Variants in FOXJ3 observed in about 807,000 individuals in gnomAD.
The protein encoded by FOXJ3 is forkhead box J3.
Under a neutral mutation model 76.1 loss-of-function variants are expected in FOXJ3, and 22 were observed. That is an observed-to-expected ratio of 0.29 (90% CI 0.21 to 0.41). The LOEUF (loss-of-function observed/expected upper bound fraction) is 0.41, where lower values mean the gene tolerates loss of function less well. FOXJ3 is among the 10% of genes least tolerant of loss of function. FOXJ3 has a pLI of 1.00. For synonymous variants in FOXJ3, 269 were observed against 261.2 expected (o/e 1.03, Z -0.29); for missense variants, 613 against 762.1 (o/e 0.80, Z 2.30).
chr1:42,182,687 G>C (rs1209131642), intron 11 of FOXJ3, among the ~76,000 whole-genome samples: 1 of 152,042 alleles, frequency 6.6e-6, no homozygotes, highest in Non-Finnish European at 1.5e-5. Flanking sequence ...TAGTAGAGAT[G>C]GGGTTTTACC....
At chr1:42,231,501 T>C (rs1364476368) in intron 4 of FOXJ3, among the ~76,000 whole-genome samples, 2 of 152,138 alleles carry the variant, frequency 1.3e-5, no homozygotes, top group Non-Finnish European at 2.9e-5. Context: ...TATTGTTTAA[T>C]GAGTGAAGAA....
chr1:42,292,852 G>A (rs891283207), intron 2 of FOXJ3, among the ~76,000 whole-genome samples: 1 of 152,198 alleles, frequency 6.6e-6, no homozygotes, highest in African/African-American at 2.4e-5. Context: ...TGTAATCCCA[G>A]CACTTTGGGA....
intron 4 of FOXJ3, 116 bp downstream of exon 4, chr1:42,264,999 G>C: frequency 2.6e-6 from 2 of 772,050 alleles, no homozygotes; most frequent in East Asian, 5.0e-5. Flanking sequence ...GAGCAGGGTG[G>C]GGGAGGACTT....
At chr1:42,228,470 T>C (rs974411428) in intron 4 of FOXJ3, among the ~76,000 whole-genome samples, 1 of 151,556 alleles carries the variant, frequency 6.6e-6, no homozygotes, top group African/African-American at 2.4e-5. Context: ...ACTTAACTAT[T>C]CTCTCTTACT....
intron 4 of FOXJ3, among the ~76,000 whole-genome samples, chr1:42,254,654 G>A (rs1570064653): frequency 2.0e-5 from 3 of 146,840 alleles, no homozygotes; most frequent in African/African-American, 5.0e-5. Context: ...ATGAGTTCAC[G>A]TCCTTTGTAG....
chr1:42,190,421 C>T (rs1360538129), intron 9 of FOXJ3, among the ~76,000 whole-genome samples: 1 of 152,190 alleles, frequency 6.6e-6, no homozygotes, highest in Non-Finnish European at 1.5e-5. Flanking sequence ...ATGACCCTGC[C>T]ATGAAGCAAG....
intron 2 of FOXJ3, among the ~76,000 whole-genome samples, chr1:42,295,589 C>T (rs11587973): frequency 0.64 from 91,968 of 144,298 alleles, 30,277 homozygotes; most frequent in Admixed American, 0.77. Flanking sequence ...AATGCAGTGG[C>T]GCAATCTTGG....
intron 11 of FOXJ3, among the ~76,000 whole-genome samples, chr1:42,186,774 C>G (rs986699034): frequency 6.6e-6 from 1 of 152,164 alleles, no homozygotes; most frequent in Non-Finnish European, 1.5e-5. Context: ...TTCTTACAGA[C>G]TTAGGGCACA....
At chr1:42,240,415 G>A (rs1331372137) in intron 4 of FOXJ3, among the ~76,000 whole-genome samples, 2 of 152,104 alleles carry the variant, frequency 1.3e-5, no homozygotes, top group African/African-American at 2.4e-5. Flanking sequence ...AAATAATCTT[G>A]AAAAAGAAGA....
At chr1:42,311,565 A>T (rs1200805452) in intron 1 of FOXJ3, among the ~76,000 whole-genome samples, 6 of 152,134 alleles carry the variant, frequency 3.9e-5, no homozygotes, top group Non-Finnish European at 7.4e-5. Context: ...CTTCCATCAA[A>T]ATAGTGCTAC....
chr1:42,189,606 TAAAAG>T (rs914844831), intron 9 of FOXJ3: 1 of 456,944 alleles, frequency 2.2e-6, no homozygotes, highest in Non-Finnish European at 4.0e-6. Context: ...ATTTTACAAA[TAAAAG>T]AAACTGAACC....
chr1:42,213,106 G>C (rs539723089), intron 5 of FOXJ3, among the ~76,000 whole-genome samples: 1 of 152,030 alleles, frequency 6.6e-6, no homozygotes, highest in African/African-American at 2.4e-5. Context: ...AGGTTGATGC[G>C]CAAAAGAATA....
At chr1:42,248,787 G>GGTTT (rs1411056143) in intron 4 of FOXJ3, among the ~76,000 whole-genome samples, 1 of 134,896 alleles carries the variant, frequency 7.4e-6, no homozygotes, top group Non-Finnish European at 1.5e-5. Context: ...AGAACGTGCA[G>GGTTT]GTTTGTTACA....
chr1:42,236,208 A>C (rs1648615507), intron 4 of FOXJ3, among the ~76,000 whole-genome samples: 1 of 152,204 alleles, frequency 6.6e-6, no homozygotes, highest in Non-Finnish European at 1.5e-5. Flanking sequence ...AAGGGTGTTG[A>C]GGCAAGGTCT....
chr1:42,276,653 T>C (rs773544690), intron 3 of FOXJ3, among the ~76,000 whole-genome samples: 6 of 152,208 alleles, frequency 3.9e-5, no homozygotes, highest in Non-Finnish European at 8.8e-5. Flanking sequence ...AGTTGAGGAC[T>C]TACTGTATTT....
chr1:42,266,223 C>T (rs1365555603), intron 3 of FOXJ3, among the ~76,000 whole-genome samples: 3 of 151,924 alleles, frequency 2.0e-5, no homozygotes, highest in African/African-American at 4.8e-5. Context: ...GAATTTTAAA[C>T]GTTTTTAAAA....
At chr1:42,187,287 T>G (rs72963048) in intron 11 of FOXJ3, among the ~76,000 whole-genome samples, 3,252 of 152,364 alleles carry the variant, frequency 0.021, 107 homozygotes, top group African/African-American at 0.075. Context: ...TTTCACTTAG[T>G]ACTTTTTGAG....
At chr1:42,207,343 G>A (rs1006338647) in intron 5 of FOXJ3, among the ~76,000 whole-genome samples, 2 of 152,108 alleles carry the variant, frequency 1.3e-5, no homozygotes, top group Non-Finnish European at 2.9e-5. Flanking sequence ...CTTTGCTAGA[G>A]CAACTGAACG....
At chr1:42,270,650 C>T (rs1020593365) in intron 3 of FOXJ3, among the ~76,000 whole-genome samples, 40 of 151,978 alleles carry the variant, frequency 2.6e-4, no homozygotes, top group Non-Finnish European at 1.8e-4. Context: ...TTTTCAATCA[C>T]CTAATCAATC....
Sources: allele counts gnomAD v4.1 joint callset (sites outside exome capture counted in the v4.1 genomes callset), GRCh38; gene constraint gnomAD v4.1.1; transcripts MANE v1.5; gene names NCBI Gene and HGNC (gene_info 2026-07-23, HGNC 2026-07-21).